The following ZMYND11 variants were observed in gnomAD, a reference collection of about 807,000 sequenced individuals.
ZMYND11 encodes the protein zinc finger MYND domain-containing protein 11.
ZMYND11 carries 9 observed loss-of-function variants against 84.9 expected under a neutral mutation model. The ratio of observed to expected loss-of-function variants is 0.11; its 90% CI spans 0.06 to 0.18. ZMYND11 has a LOEUF of 0.18. Ranked by LOEUF, ZMYND11 falls within the 10% of genes least tolerant of loss-of-function variation. The probability of loss-of-function intolerance (pLI) is 1.00; values close to 1 mark genes in which losing one functional copy is unlikely to be tolerated. For missense variants in ZMYND11, 409 were observed against 761.0 expected, an observed-to-expected ratio of 0.54 and a Z score of 5.44; for synonymous variants, 250 against 244.1, an observed-to-expected ratio of 1.02 and a Z score of -0.23.
chr10:173,547 C>T (rs1424148931), intron 1 of ZMYND11, among the ~76,000 whole-genome samples: 1 of 152,054 alleles, frequency 6.6e-6, no homozygotes, highest in Admixed American at 6.6e-5. Flanking sequence ...ATAATCCTGC[C>T]TCTCCAAAAC....
intron 3 of ZMYND11, among the ~76,000 whole-genome samples, chr10:213,835 G>C (rs1589002063): frequency 6.6e-6 from 1 of 151,998 alleles, no homozygotes; most frequent in East Asian, 1.9e-4. Flanking sequence ...GTTTGTTGGT[G>C]TTACATTTTT....
At chr10:162,207 A>C (rs1251562961) in intron 1 of ZMYND11, among the ~76,000 whole-genome samples, 1 of 152,182 alleles carries the variant, frequency 6.6e-6, no homozygotes. Context: ...GTCAGAACAC[A>C]CACAACATTT....
chr10:200,392 A>G (rs544691303), intron 2 of ZMYND11, among the ~76,000 whole-genome samples: 3 of 146,396 alleles, frequency 2.0e-5, no homozygotes, highest in South Asian at 2.1e-4. Context: ...ATAACAATAT[A>G]TATTATATAT....
chr10:243,986 T>C (rs996441249), intron 10 of ZMYND11, among the ~76,000 whole-genome samples: 1 of 152,176 alleles, frequency 6.6e-6, no homozygotes, highest in African/African-American at 2.4e-5. Flanking sequence ...GTCAAGCTTC[T>C]TAGGTCCTGG....
At chr10:183,245 T>C (rs1326057741) in intron 2 of ZMYND11, among the ~76,000 whole-genome samples, 1 of 150,990 alleles carries the variant, frequency 6.6e-6, no homozygotes. Flanking sequence ...TTTTTGGAAC[T>C]GATTGAAGAA....
At position 161,326 on chromosome 10, in the gene ZMYND11, T is replaced by C. The variant is rs181175838; in HGVS notation, c.-19-18668T>C. ...GATTAAAATATTCTGTAAACCATTCTGTTAACAGACATGCTGTCATGTAGG... is the reference window on the plus strand; with the variant it reads ...GATTAAAATATTCTGTAAACCATTCCGTTAACAGACATGCTGTCATGTAGG... On this transcript the variant is annotated intron_variant, in intron 1 of 14. Transcript: ENST00000381604. Among the ~76,000 whole-genome samples, 499 of 152,312 alleles carry C rather than the reference T, an allele frequency of 3.3e-3. 4 individuals carry two copies. Among genetic ancestry groups the C allele is most frequent in the African/African-American group, 0.011 (453 of 41,558 alleles).
In ZMYND11 at chr10:252,107, A is replaced by T. The variant is rs552099908; in HGVS notation, c.1687-241A>T. 2.0e-5 allele frequency among the ~76,000 whole-genome samples: 3 copies of T among 152,176 alleles called. No individual in the cohort carries two copies. The highest frequency in any genetic ancestry group is 7.2e-5 in the African/African-American group (3 of 41,452). ...ACGGGAATGACTCTCACAGAGATGG[A>T]AAAAACGGGAGGTGTCAGGTACCAC... On this transcript the variant is annotated intron_variant, in intron 14 of 14. Transcript: ENST00000381604. The surrounding 1 kb of genome is among the most constrained non-coding windows in gnomAD (Gnocchi z 4.6).
rs529424990 is a variant in ZMYND11, at chr10:183,903, C to T, written c.116+3775C>T. ...GCCCCAGGCCTGGAACCATTGATTT[C>T]TCCCAGGTGCTCTGGTTTCTTTTAG... On this transcript the variant is annotated intron_variant, in intron 2 of 14. Coordinates refer to ENST00000381604, the MANE Select transcript of ZMYND11 (RefSeq NM_001370100.5). Among the ~76,000 whole-genome samples the T allele has an allele frequency of 8.9e-4, 136 of 152,284 alleles. 1 individual carries two copies. The highest frequency in any genetic ancestry group is 3.2e-3 in the African/African-American group (133 of 41,566).
chr10:225,489 C>T lies in ZMYND11; in HGVS notation c.438+4133C>T, dbSNP rs117900430. 1.8e-4 allele frequency among the ~76,000 whole-genome samples: 28 copies of T among 152,220 alleles called. No individual in the cohort carries two copies. The East Asian group carries it at 3.9e-3, about 21-fold the overall frequency. On this transcript the variant is annotated intron_variant, in intron 4 of 14. Transcript: ENST00000381604. ...CAGCTTCTGAGTAGCTAGGACTATA[C>T]GCACACACCAGTATGTGTGGCTCAT...
At chr10:203,269 A>G (rs1237687353) in intron 2 of ZMYND11, among the ~76,000 whole-genome samples, 2 of 152,132 alleles carry the variant, frequency 1.3e-5, no homozygotes, top group Non-Finnish European at 2.9e-5. Context: ...ACCTGAAACT[A>G]TAAAGAGAGG....
chr10:228,505 C>T (rs150973002), intron 4 of ZMYND11, among the ~76,000 whole-genome samples: 1 of 152,150 alleles, frequency 6.6e-6, no homozygotes, highest in Non-Finnish European at 1.5e-5. Flanking sequence ...AAAGTACATG[C>T]AGTTTCCTTG....
Position 180,012 on chromosome 10 carries a change from C to A in ZMYND11, c.-1C>A, listed in dbSNP as rs756317647. 6.2e-7 allele frequency: 1 copy of A among 1,610,296 alleles called. No individual in the cohort carries two copies. Reference sequence around the variant, plus strand: ...ACTGCAGCTAAAGAAGTAAACAGGTCATGGCACGTTTAACAAAAAGACGAC... The same window carrying A: ...ACTGCAGCTAAAGAAGTAAACAGGTAATGGCACGTTTAACAAAAAGACGAC... On this transcript the variant is annotated 5_prime_UTR_variant, in exon 2 of 15. Transcript: ENST00000381604.
chr10:143,319 G>C (rs1044451787), intron 1 of ZMYND11, among the ~76,000 whole-genome samples: 3 of 152,110 alleles, frequency 2.0e-5, no homozygotes, highest in African/African-American at 4.8e-5. Flanking sequence ...GGAAGCTCTC[G>C]CAACTTTTGA....
chr10:167,578 C>T (rs1844302385), intron 1 of ZMYND11, among the ~76,000 whole-genome samples: 1 of 152,088 alleles, frequency 6.6e-6, no homozygotes, highest in African/African-American at 2.4e-5. Flanking sequence ...CATTCTTAAT[C>T]TAATGTACTT....
Position 252,273 on chromosome 10 carries a change from A to G in ZMYND11, c.1687-75A>G, listed in dbSNP as rs1953673079. 3.2e-6 allele frequency: 5 copies of G among 1,556,412 alleles called. No homozygotes were observed. The highest frequency in any genetic ancestry group is 1.8e-5 in the Admixed American group (1 of 56,500). On this transcript the variant is annotated intron_variant, in intron 14 of 14. Transcript: ENST00000381604. This position sits in a 1 kb window ranked among gnomAD's most constrained non-coding sequence, Gnocchi z 4.6. ...AAGATCTTTTAAAAGCACCACCTCA[A>G]GAGTTTGCCATTTTAACCAGTCGCT... is the stretch of plus-strand genomic sequence containing the variant.
At chr10:205,478 C>G (rs1943957469) in intron 2 of ZMYND11, among the ~76,000 whole-genome samples, 2 of 151,714 alleles carry the variant, frequency 1.3e-5, no homozygotes, top group African/African-American at 4.8e-5. Flanking sequence ...TGACTTGAGG[C>G]TGAGAGTTTG....
chr10:234,553 A>T (rs1279458996), intron 4 of ZMYND11, among the ~76,000 whole-genome samples: 1 of 152,236 alleles, frequency 6.6e-6, no homozygotes. Flanking sequence ...AAGACTTCTA[A>T]CCTGGTGTAG....
intron 2 of ZMYND11, among the ~76,000 whole-genome samples, chr10:184,459 T>G (rs543730317): frequency 1.3e-5 from 2 of 152,292 alleles, no homozygotes; most frequent in East Asian, 3.9e-4. Flanking sequence ...TGTAACATTA[T>G]CTGGTGTATA....
At chr10:216,721 A>G (rs146347696) in intron 3 of ZMYND11, among the ~76,000 whole-genome samples, 458 of 152,278 alleles carry the variant, frequency 3.0e-3, no homozygotes, top group African/African-American at 0.011. Context: ...TTGGTAAAAT[A>G]CTTTCCTTCT....
Sources: allele counts gnomAD v4.1 joint callset (sites outside exome capture counted in the v4.1 genomes callset), GRCh38; gene constraint gnomAD v4.1.1; non-coding constraint Gnocchi (gnomAD v3.1); transcripts MANE v1.5; gene names NCBI Gene and HGNC (gene_info 2026-07-23, HGNC 2026-07-21).